Variants in GREB1 observed in about 807,000 individuals in gnomAD.
GREB1 encodes the protein protein GREB1.
In GREB1, 106 loss-of-function variants were observed where a neutral mutation model predicts 200.7. The observed-to-expected ratio is 0.53, with a 90% CI of 0.45 to 0.62. The LOEUF (loss-of-function observed/expected upper bound fraction) is 0.62. GREB1 is among the 20% of genes least tolerant of loss of function. The probability of loss-of-function intolerance (pLI) is 0.00; values close to 1 mark genes in which losing one functional copy is unlikely to be tolerated. For synonymous variants in GREB1, 1,132 were observed against 1,092.4 expected (o/e 1.04, Z -0.72); for missense variants, 2,243 against 2,556.8 (o/e 0.88, Z 2.65).
chr2:11,588,263 C>A, intron 9 of GREB1: 3 of 1,051,090 alleles, frequency 2.9e-6, no homozygotes, highest in Non-Finnish European at 3.5e-6. Context: ...CTTCTGGTCT[C>A]TGTGGTGATA....
At chr2:11,497,522 AT>A (rs1327888827) in intron 1 of GREB1, among the ~76,000 whole-genome samples, 1 of 152,144 alleles carries the variant, frequency 6.6e-6, no homozygotes, top group Non-Finnish European at 1.5e-5. Context: ...TTTTAGTTGT[AT>A]TTTTAATTTT....
chr2:11,583,610 G>A (rs6736604), intron 7 of GREB1, among the ~76,000 whole-genome samples: 40,857 of 151,802 alleles, frequency 0.27, 9,102 homozygotes, highest in African/African-American at 0.62. Context: ...CTATAATCTC[G>A]GCACTTTGGG....
intron 9 of GREB1, among the ~76,000 whole-genome samples, 173 bp downstream of exon 9, chr2:11,586,078 G>T (rs1325164181): frequency 1.3e-5 from 2 of 152,200 alleles, no homozygotes; most frequent in African/African-American, 4.8e-5. Flanking sequence ...CACTAGCTCA[G>T]CCCCTGATCA....
rs955374164 is a variant in GREB1, at chr2:11,591,699, C to T, written c.1346-1077C>T. On this transcript the variant is annotated intron_variant, in intron 10 of 32. Transcript: ENST00000381486. ...GTAAATCCACCTTTGAGAATTTAGG[C>T]GAAGGAAGTAACGTTCTATATGTCA... 3.3e-5 allele frequency: 15 copies of T among 457,934 alleles called. 1 individual carries two copies. In the South Asian group the frequency reaches 3.4e-4, roughly 10 times the overall value. 28.4% of individuals were successfully genotyped at this position (457,934 alleles called of 1,614,324 possible).
intron 17 of GREB1, among the ~76,000 whole-genome samples, chr2:11,606,288 C>T (rs1682282501): frequency 6.6e-6 from 1 of 152,230 alleles, no homozygotes; most frequent in African/African-American, 2.4e-5. Context: ...AGCTGTCGTT[C>T]ATTTTACATT....
intron 9 of GREB1, chr2:11,587,294 C>T (rs202101855): frequency 2.2e-5 from 21 of 974,776 alleles, no homozygotes; most frequent in Non-Finnish European, 3.3e-5. Flanking sequence ...CCTCTGCCCC[C>T]CTTGTCACTT....
chr2:11,638,030 G>A, intron 31 of GREB1, 114 bp downstream of exon 31: 1 of 889,864 alleles, frequency 1.1e-6, no homozygotes, highest in Non-Finnish European at 1.8e-6. Context: ...TCTCGGGGTT[G>A]ACCCCACTTT....
rs3762579 is a variant in GREB1 at position 11,610,939 on chromosome 2, G to T, written c.2918G>T (p.Arg973Leu). 2 of 1,610,598 alleles carry T rather than the reference G, an allele frequency of 1.2e-6. No individual in the cohort carries two copies. The highest frequency in any genetic ancestry group is 2.2e-5 in the East Asian group (1 of 44,774). ...AYERLAHVRA[R>L]LALEEHFEII... ...GAGCGGCTGGCCCACGTGCGGGCCC[G>T]GCTGGCGCTGGAGGAGCACTTTGAG... The change falls in exon 18 of 33, where the codon CGG becomes CTG. Residue 973 changes from arginine (R) to leucine (L), a missense_variant. Transcript: ENST00000381486.
chr2:11,625,364 CT>C, intron 24 of GREB1, 52 bp downstream of exon 24: 1 of 1,550,434 alleles, frequency 6.4e-7, no homozygotes. Context: ...GGCACAGCCT[CT>C]TAAAGGGATG....
At chr2:11,553,710 G>A (rs79901951) in intron 1 of GREB1, among the ~76,000 whole-genome samples, 7,046 of 152,108 alleles carry the variant, frequency 0.046, 487 homozygotes, top group African/African-American at 0.15. Flanking sequence ...TGTCTTGCAC[G>A]CAGTGGCTGG....
chr2:11,637,410 C>T (rs1180396535), intron 30 of GREB1, among the ~76,000 whole-genome samples: 3 of 152,116 alleles, frequency 2.0e-5, no homozygotes, highest in East Asian at 1.9e-4. Context: ...CAGAGGCTTG[C>T]ATCCCCCAGA....
intron 1 of GREB1, among the ~76,000 whole-genome samples, chr2:11,503,857 TC>T (rs11301051): frequency 0.98 from 149,326 of 152,244 alleles, 73,265 homozygotes; most frequent in South Asian, 1. Flanking sequence ...TTCCAGTAAT[TC>T]CCCCTTGTCC....
Position 11,493,205 on chromosome 2 carries a change from A to G in GREB1, c.-159+10824A>G, listed in dbSNP as rs1672808134. ...TGAAGGGAAATGAGGTATGTACTGT[A>G]TGCCATAGGACTTGAACCTTGTTTA... On this transcript the variant is annotated intron_variant, in intron 1 of 2. Coordinates refer to the GREB1 transcript ENST00000628795. The surrounding 1 kb of genome is among the most constrained non-coding windows in gnomAD (Gnocchi z 4.6). Among the ~76,000 whole-genome samples the G allele has an allele frequency of 6.6e-6, 1 of 152,208 alleles. No homozygotes were observed. Among genetic ancestry groups the G allele is most frequent in the Non-Finnish European group, 1.5e-5 (1 of 68,022 alleles).
chr2:11,494,024 G>A (rs977296198), intron 1 of GREB1, among the ~76,000 whole-genome samples: 2 of 152,222 alleles, frequency 1.3e-5, no homozygotes. Context: ...TACACAGGCT[G>A]CTTCACCACT....
At position 11,632,920 on chromosome 2, in the gene GREB1, C is replaced by T. The variant is rs780868649; in HGVS notation, c.4848C>T (p.Ser1616=). The change falls in exon 28 of 33, where the codon TCC becomes TCT. Residue 1616 remains serine (S), a synonymous_variant. Coordinates refer to ENST00000381486, the MANE Select transcript of GREB1 (RefSeq NM_014668.4). The stretch of plus-strand genomic sequence containing the variant: ...CTCATTTCCTCATCAAGGAGCTGTC[C>T]TACCATAACCTGGAGCTCGAGCGGA... ...GAAHFLIKEL[S]YHNLELERNR... is the part of the protein sequence containing the mutation. 5 of 1,614,086 alleles carry T rather than the reference C, an allele frequency of 3.1e-6. No homozygotes were observed. The East Asian group carries it at 8.9e-5, about 29-fold the overall frequency.
In GREB1 at chr2:11,640,316, G is replaced by A; in HGVS notation, c.5712G>A (p.Gln1904=). 1 of 1,613,816 alleles carries A rather than the reference G, an allele frequency of 6.2e-7. No individual in the cohort carries two copies. The highest frequency in any genetic ancestry group is 8.5e-7 in the Non-Finnish European group (1 of 1,179,924). ...LKGATLCVIC[Q]DRSSLRQTVV... ...GTGCGACGTTGTGTGTCATCTGTCA[G>A]GACCGGAGCTCACTGCGCCAGACGG... The change falls in exon 33 of 33, where the codon CAG becomes CAA. Residue 1904 remains glutamine, a synonymous_variant. Coordinates refer to ENST00000381486, the MANE Select transcript of GREB1 (RefSeq NM_014668.4). This position sits in a 1 kb window ranked among gnomAD's most constrained non-coding sequence, Gnocchi z 4.6.
At chr2:11,612,420 C>T in intron 18 of GREB1, 75 bp from the exon 19 acceptor site, 1 of 1,499,984 alleles carries the variant, frequency 6.7e-7, no homozygotes, top group Non-Finnish European at 9.1e-7. Flanking sequence ...TGTGGGAGGC[C>T]ATCAGGATTC....
intron 32 of GREB1, among the ~76,000 whole-genome samples, chr2:11,639,113 G>A (rs1345881192): frequency 6.6e-6 from 1 of 152,096 alleles, no homozygotes; most frequent in Non-Finnish European, 1.5e-5. Context: ...TTTTTGAGAT[G>A]GAGTCTCGCT....
chr2:11,534,631 C>T (rs1350286507), intron 1 of GREB1, among the ~76,000 whole-genome samples: 1 of 152,152 alleles, frequency 6.6e-6, no homozygotes. Context: ...CGTGAGAGCT[C>T]CTCTTGTGTG....
Sources: allele counts gnomAD v4.1 joint callset (sites outside exome capture counted in the v4.1 genomes callset), GRCh38; gene constraint gnomAD v4.1.1; non-coding constraint Gnocchi (gnomAD v3.1); transcripts MANE v1.5; gene names NCBI Gene and HGNC (gene_info 2026-07-23, HGNC 2026-07-21).